The following GRM5 variants were observed in gnomAD, a reference collection of about 807,000 sequenced individuals.
GRM5 encodes glutamate metabotropic receptor 5.
Under a neutral mutation model 83.1 loss-of-function variants are expected in GRM5, and 19 were observed. The observed-to-expected ratio is 0.23, with a 90% CI of 0.16 to 0.34. The LOEUF (loss-of-function observed/expected upper bound fraction) is 0.34. Among genes scored for constraint, GRM5 ranks in the 10% least tolerant of loss-of-function variants. GRM5 has a pLI of 1.00. For synonymous variants in GRM5, 675 were observed against 633.6 expected, an observed-to-expected ratio of 1.07 and a Z score of -0.98; for missense variants, 1,160 against 1,588.3, an observed-to-expected ratio of 0.73 and a Z score of 4.58.
At chr11:88,982,232 A>G (rs1401564398) in intron 2 of GRM5, among the ~76,000 whole-genome samples, 3 of 152,204 alleles carry the variant, frequency 2.0e-5, no homozygotes, top group African/African-American at 7.2e-5. Context: ...AGAATTAAAA[A>G]CATTCAATGT....
At chr11:88,864,066 T>A (rs554027608) in intron 2 of GRM5, among the ~76,000 whole-genome samples, 1 of 149,134 alleles carries the variant, frequency 6.7e-6, no homozygotes, top group East Asian at 2.0e-4. Flanking sequence ...GTTCATAAAG[T>A]ATAATTTAAA....
intron 3 of GRM5, among the ~76,000 whole-genome samples, chr11:88,679,101 A>C (rs1246675976): frequency 1.3e-5 from 2 of 152,184 alleles, no homozygotes; most frequent in Non-Finnish European, 2.9e-5. Flanking sequence ...AACTTTCTAT[A>C]TATGTTACAA....
chr11:88,517,579 C>G (rs1350642336), intron 9 of GRM5, among the ~76,000 whole-genome samples: 1 of 152,098 alleles, frequency 6.6e-6, no homozygotes, highest in Non-Finnish European at 1.5e-5. Context: ...TTCAATATTA[C>G]CATTATACAT....
intron 3 of GRM5, among the ~76,000 whole-genome samples, chr11:88,747,806 G>A (rs1846474): frequency 7.7e-6 from 1 of 130,620 alleles, no homozygotes. Context: ...CTTCTGCTTA[G>A]AAACTGATTT....
At chr11:88,570,360 A>G (rs1474833263) in intron 7 of GRM5, among the ~76,000 whole-genome samples, 1 of 151,636 alleles carries the variant, frequency 6.6e-6, no homozygotes, top group Non-Finnish European at 1.5e-5. Flanking sequence ...ATATGACCTC[A>G]TTAAGTATAA....
At position 88,597,274 on chromosome 11, in the gene GRM5, T is replaced by G; in HGVS notation, c.1473A>C (p.Glu491Asp). 1.9e-6 allele frequency: 3 copies of G among 1,600,026 alleles called. No individual in the cohort carries two copies. Among genetic ancestry groups the G allele is most frequent in the Non-Finnish European group, 2.6e-6 (3 of 1,167,618 alleles). The change falls in exon 6 of 10, where the codon GAA (glutamate) becomes GAC (aspartate). Residue 491 changes from glutamate (E) to aspartate (D), a missense_variant. By Grantham distance (45) the Glu-to-Asp change is conservative. Around this residue, in one of 9 missense-constraint regions of GRM5, gnomAD observed 30 missense variants for 19.7 expected, o/e 1.52. Coordinates refer to ENST00000305447, the MANE Select transcript of GRM5 (RefSeq NM_001143831.3). ...ATACTTCATCATCATCCATTTTTAA[T>G]TCTCCATTGTCCCAACTTCCAACGT... Reference protein sequence around the residue: ...YINVGSWDNGELKMDDDEVWS... With the variant: ...YINVGSWDNGDLKMDDDEVWS...
chr11:88,640,121 T>A (rs571471500), intron 4 of GRM5, among the ~76,000 whole-genome samples: 40 of 152,274 alleles, frequency 2.6e-4, no homozygotes, highest in African/African-American at 9.4e-4. Flanking sequence ...CCTTTGGCAA[T>A]GAAACATATC....
chr11:88,976,787 CAG>C (rs1939351872), intron 2 of GRM5, among the ~76,000 whole-genome samples: 2 of 151,722 alleles, frequency 1.3e-5, no homozygotes, highest in African/African-American at 4.8e-5. Context: ...ATTGTTTTTT[CAG>C]AGATAAAAAT....
At chr11:88,692,680 ACT>A (rs1321128820) in intron 3 of GRM5, among the ~76,000 whole-genome samples, 1 of 152,006 alleles carries the variant, frequency 6.6e-6, no homozygotes, top group African/African-American at 2.4e-5. Flanking sequence ...ATGCAACAAG[ACT>A]CCATTTTCTG....
At chr11:88,811,428 C>A (rs1165794034) in intron 3 of GRM5, among the ~76,000 whole-genome samples, 1 of 152,054 alleles carries the variant, frequency 6.6e-6, no homozygotes, top group African/African-American at 2.4e-5. Flanking sequence ...GTTGTAGAAT[C>A]CACAGTATTC....
At chr11:88,600,288 C>T (rs913637336) in intron 5 of GRM5, among the ~76,000 whole-genome samples, 4 of 143,222 alleles carry the variant, frequency 2.8e-5, no homozygotes, top group Admixed American at 2.8e-4. Flanking sequence ...TTCTCCCTCT[C>T]CCCCACCCCT....
At chr11:88,847,789 A>G (rs1246994771) in intron 3 of GRM5, among the ~76,000 whole-genome samples, 1 of 152,242 alleles carries the variant, frequency 6.6e-6, no homozygotes, top group African/African-American at 2.4e-5. Context: ...CATGAATTAA[A>G]TGATATGGAA....
chr11:88,687,580 A>ATATATATAT (rs1565187247), intron 3 of GRM5, among the ~76,000 whole-genome samples: 40 of 3,472 alleles, frequency 0.012, no homozygotes, highest in South Asian at 0.025. Flanking sequence ...TATATATATA[A>ATATATATAT]TATATATATA....
intron 8 of GRM5, among the ~76,000 whole-genome samples, chr11:88,540,639 A>T (rs572476489): frequency 6.6e-6 from 1 of 152,316 alleles, no homozygotes; most frequent in South Asian, 2.1e-4. Flanking sequence ...TCTCCACTTC[A>T]TGACACGGGG....
chr11:88,866,059 A>G (rs909971028), intron 2 of GRM5, among the ~76,000 whole-genome samples: 3 of 152,180 alleles, frequency 2.0e-5, no homozygotes, highest in African/African-American at 4.8e-5. Flanking sequence ...ATTACTGAGT[A>G]TATACCCAAA....
At chr11:89,034,113 A>C (rs143896164) in intron 2 of GRM5, among the ~76,000 whole-genome samples, 2,356 of 151,770 alleles carry the variant, frequency 0.016, 60 homozygotes, top group African/African-American at 0.053. Context: ...GAATATCTTA[A>C]TTACTTATTA....
intron 2 of GRM5, among the ~76,000 whole-genome samples, chr11:88,886,870 C>A (rs1945052593): frequency 6.6e-6 from 1 of 152,104 alleles, no homozygotes; most frequent in Non-Finnish European, 1.5e-5. Flanking sequence ...TAGTAACCAG[C>A]GATATAGCTC....
chr11:88,535,460 A>G (rs546597849), intron 8 of GRM5, among the ~76,000 whole-genome samples: 1 of 152,194 alleles, frequency 6.6e-6, no homozygotes, highest in South Asian at 2.1e-4. Flanking sequence ...ACATTTCAAA[A>G]ACTGTGGTCC....
At chr11:88,966,088 G>C (rs1285876571) in intron 2 of GRM5, among the ~76,000 whole-genome samples, 1 of 151,910 alleles carries the variant, frequency 6.6e-6, no homozygotes, top group Non-Finnish European at 1.5e-5. Flanking sequence ...AGAAATAATA[G>C]AAATATATCT....
Sources: gnomAD v4.1 joint callset for allele counts (sites outside exome capture counted in the v4.1 genomes callset) on GRCh38, gnomAD v4.1.1 for gene constraint, gnomAD v4.1.1 regional missense constraint, MANE v1.5 for transcripts, NCBI Gene and HGNC (gene_info 2026-07-23, HGNC 2026-07-21) for gene names.